Variants in XYLT1 observed in about 807,000 individuals in gnomAD.
XYLT1 encodes the protein beta-D-xylosyltransferase 1.
A neutral mutation model predicts 91.3 loss-of-function variants in XYLT1; 36 were observed. The observed-to-expected ratio is 0.39, with a 90% confidence interval of 0.30 to 0.52. XYLT1 has a LOEUF of 0.52. Among genes scored for constraint, XYLT1 ranks in the 20% least tolerant of loss-of-function variants. The probability of loss-of-function intolerance (pLI) is 0.68; values close to 1 mark genes in which losing one functional copy is unlikely to be tolerated. For missense variants in XYLT1, 1,242 were observed against 1,284.5 expected (o/e 0.97, Z 0.51); for synonymous variants, 588 against 532.0 (o/e 1.11, Z -1.45).
chr16:17,378,979 T>C (rs562327634), intron 1 of XYLT1, among the ~76,000 whole-genome samples: 1 of 152,314 alleles, frequency 6.6e-6, no homozygotes, highest in East Asian at 1.9e-4. Flanking sequence ...CTCCGCTTTA[T>C]CACAACCACT....
chr16:17,319,956 G>C (rs563469325), intron 2 of XYLT1, among the ~76,000 whole-genome samples: 2 of 151,980 alleles, frequency 1.3e-5, no homozygotes, highest in South Asian at 4.2e-4. Context: ...CATGCTAAGC[G>C]CCAGGCAGTT....
intron 2 of XYLT1, among the ~76,000 whole-genome samples, chr16:17,308,795 T>A (rs1331524134): frequency 2.6e-5 from 4 of 152,148 alleles, no homozygotes; most frequent in Admixed American, 2.6e-4. Context: ...ACATGGTAGA[T>A]GCCCAATAAA....
intron 3 of XYLT1, among the ~76,000 whole-genome samples, chr16:17,220,955 T>G (rs2032956428): frequency 6.6e-6 from 1 of 152,184 alleles, no homozygotes; most frequent in African/African-American, 2.4e-5. Flanking sequence ...GTGGAAAGAT[T>G]GGCTTTCTGT....
chr16:17,248,422 G>C (rs1463971490), intron 3 of XYLT1, among the ~76,000 whole-genome samples: 1 of 152,226 alleles, frequency 6.6e-6, no homozygotes, highest in African/African-American at 2.4e-5. Flanking sequence ...GTTCAGTACT[G>C]AGAGATGCCT....
chr16:17,299,081 C>A (rs2141808830), intron 2 of XYLT1, among the ~76,000 whole-genome samples: 1 of 152,212 alleles, frequency 6.6e-6, no homozygotes, highest in East Asian at 1.9e-4. Context: ...AGAACGCAAG[C>A]TACTTTTTTA....
chr16:17,204,893 G>A (rs1039748272), intron 3 of XYLT1, among the ~76,000 whole-genome samples: 4 of 147,122 alleles, frequency 2.7e-5, no homozygotes, highest in African/African-American at 1.0e-4. Context: ...ACAATGACAT[G>A]TGGTCAGAGC....
Position 17,278,007 on chromosome 16 carries a change from T to C in XYLT1, c.403-18509A>G, listed in dbSNP as rs115795651. 5.3e-3 allele frequency among the ~76,000 whole-genome samples: 806 copies of C among 152,248 alleles called. 8 individuals are homozygous for C. The highest frequency in any genetic ancestry group is 0.019 in the African/African-American group (781 of 41,548). ...GCCTGGCTGACAGGTAAAAGCTTTGTTTCCTCCTCCTCCTGCCCCTCCTGC... is the reference window on the plus strand; with the variant it reads ...GCCTGGCTGACAGGTAAAAGCTTTGCTTCCTCCTCCTCCTGCCCCTCCTGC... On this transcript the variant is annotated intron_variant, in intron 2 of 11. Transcript: ENST00000261381.
chr16:17,424,175 C>G lies in XYLT1; in HGVS notation c.363+46259G>C, dbSNP rs114119341. 2.2e-3 allele frequency among the ~76,000 whole-genome samples: 330 copies of G among 152,282 alleles called. 2 individuals carry two copies. The highest frequency in any genetic ancestry group is 7.4e-3 in the African/African-American group (306 of 41,564). On this transcript the variant is annotated intron_variant, in intron 1 of 11. Coordinates refer to ENST00000261381, the MANE Select transcript of XYLT1 (RefSeq NM_022166.4). ...ATGCAAATAACTTGGGCTTTAAAAC[C>G]CAAAAAGATCTGTGTCCCAATCCAG... is the stretch of plus-strand genomic sequence containing the variant.
At chr16:17,168,824 C>T (rs2031758829) in intron 5 of XYLT1, among the ~76,000 whole-genome samples, 2 of 152,134 alleles carry the variant, frequency 1.3e-5, no homozygotes, top group African/African-American at 4.8e-5. Flanking sequence ...CAGGATCTTC[C>T]TAAAACATGA....
rs74010561 is a variant in XYLT1, at chr16:17,247,883, A to C, written c.913+11105T>G. ...GTGTACCCTAAATCCAGGGCTAAGA[A>C]CTTGGGGGCAGGGGTTGCTTTCCTG... On this transcript the variant is annotated intron_variant, in intron 3 of 11. Coordinates refer to ENST00000261381, the MANE Select transcript of XYLT1 (RefSeq NM_022166.4). Among the ~76,000 whole-genome samples the C allele has an allele frequency of 2.5e-3, 379 of 152,228 alleles. 2 individuals are homozygous for C. Among genetic ancestry groups the C allele is most frequent in the African/African-American group, 8.2e-3 (342 of 41,546 alleles).
intron 2 of XYLT1, among the ~76,000 whole-genome samples, chr16:17,357,209 TCA>T (rs1217900218): frequency 1.7e-5 from 2 of 120,576 alleles, no homozygotes; most frequent in Non-Finnish European, 3.3e-5. Context: ...ACGCTACCAC[TCA>T]CAAGCACTTA....
At chr16:17,316,251 T>C (rs1170039999) in intron 2 of XYLT1, among the ~76,000 whole-genome samples, 1 of 152,158 alleles carries the variant, frequency 6.6e-6, no homozygotes, top group African/African-American at 2.4e-5. Context: ...ATCGGAGCCC[T>C]GGGGACTGTA....
chr16:17,313,165 A>G (rs2034576475), intron 2 of XYLT1, among the ~76,000 whole-genome samples: 1 of 152,208 alleles, frequency 6.6e-6, no homozygotes, highest in Non-Finnish European at 1.5e-5. Context: ...CTGCCTGCCA[A>G]CACCAGAACT....
chr16:17,362,096 C>T (rs1179749166), intron 1 of XYLT1, among the ~76,000 whole-genome samples: 3 of 152,188 alleles, frequency 2.0e-5, no homozygotes, highest in African/African-American at 7.2e-5. Flanking sequence ...CACTGGAGAA[C>T]ACTGGGTTCC....
At chr16:17,410,565 C>T (rs1272586401) in intron 1 of XYLT1, among the ~76,000 whole-genome samples, 5 of 151,846 alleles carry the variant, frequency 3.3e-5, no homozygotes, top group South Asian at 2.1e-4. Flanking sequence ...GTTCCTCCCA[C>T]GACATATGGG....
In XYLT1 at chr16:17,283,126, G is replaced by A. The variant is rs991437739; in HGVS notation, c.403-23628C>T. Among the ~76,000 whole-genome samples the A allele has an allele frequency of 1.7e-4, 26 of 152,238 alleles. 1 individual carries two copies. Among genetic ancestry groups the A allele is most frequent in the East Asian group, 1.4e-3 (7 of 5,172 alleles). On this transcript the variant is annotated intron_variant, in intron 2 of 11. Transcript: ENST00000261381. ...GGATGGAAATGAAGGGGCACATCCC[G>A]TCCTCGCTTGGAAGGAAGAAGGAGC...
chr16:17,335,547 G>T (rs2034967278), intron 2 of XYLT1, among the ~76,000 whole-genome samples: 1 of 151,904 alleles, frequency 6.6e-6, no homozygotes, highest in Non-Finnish European at 1.5e-5. Context: ...AAAATTAGCG[G>T]GGCATGGTGG....
At chr16:17,441,329 G>A (rs1190671521) in intron 1 of XYLT1, among the ~76,000 whole-genome samples, 1 of 151,940 alleles carries the variant, frequency 6.6e-6, no homozygotes, top group Non-Finnish European at 1.5e-5. Context: ...TGGCCACACA[G>A]GGTGTTACTG....
At chr16:17,137,994 G>T (rs111898286) in intron 8 of XYLT1, among the ~76,000 whole-genome samples, 98 of 152,004 alleles carry the variant, frequency 6.4e-4, no homozygotes, top group African/African-American at 2.3e-3. Flanking sequence ...GGGTACAAAT[G>T]TAACAAATAT....
Sources: allele counts gnomAD v4.1 joint callset (sites outside exome capture counted in the v4.1 genomes callset), GRCh38; gene constraint gnomAD v4.1.1; transcripts MANE v1.5; gene names NCBI Gene and HGNC (gene_info 2026-07-23, HGNC 2026-07-21).